JHY: variants seen among roughly 807,000 people sequenced by gnomAD.
The protein encoded by JHY is junctional cadherin complex regulator.
JHY carries 69 observed loss-of-function variants against 78.0 expected under a neutral mutation model. The observed-to-expected ratio is 0.88, with a 90% CI of 0.73 to 1.08. JHY has a LOEUF of 1.08. JHY is among the 50% of genes least tolerant of loss of function. JHY has a pLI of 0.00. For missense variants in JHY, 944 were observed against 927.8 expected (o/e 1.02, Z -0.23); for synonymous variants, 368 against 342.6 (o/e 1.07, Z -0.82).
At chr11:122,923,774 G>A (rs1863429031) in intron 3 of JHY, among the ~76,000 whole-genome samples, 1 of 151,574 alleles carries the variant, frequency 6.6e-6, no homozygotes, top group Non-Finnish European at 1.5e-5. Flanking sequence ...CTGGAGTGCA[G>A]TGGCATGATC....
At chr11:122,930,141 C>G (rs953862420) in intron 4 of JHY, among the ~76,000 whole-genome samples, 1 of 152,102 alleles carries the variant, frequency 6.6e-6, no homozygotes, top group Non-Finnish European at 1.5e-5. Flanking sequence ...AGTACAGTAT[C>G]GTGATTTTGG....
chr11:122,911,579 A>G (rs1424994769), intron 3 of JHY, among the ~76,000 whole-genome samples: 1 of 152,204 alleles, frequency 6.6e-6, no homozygotes, highest in Non-Finnish European at 1.5e-5. Flanking sequence ...GATACTGATA[A>G]TACCTCAAAA....
chr11:122,936,784 A>G (rs1863766126), intron 5 of JHY, among the ~76,000 whole-genome samples: 1 of 152,202 alleles, frequency 6.6e-6, no homozygotes, highest in African/African-American at 2.4e-5. Context: ...TAACATTTTC[A>G]TATACATGAA....
At position 122,946,638 on chromosome 11, in the gene JHY, C is replaced by T. The variant is rs1028349128; in HGVS notation, c.1775C>T (p.Thr592Met). Residue 592 changes from threonine to methionine, a missense_variant, in exon 6 of 9, where the codon ACG becomes ATG. Physicochemically the swap from Thr to Met is moderately conservative, Grantham distance 81 (BLOSUM62 -1). Transcript: ENST00000227349. The part of the protein sequence containing the change: ...QPSEGALSSV[T>M]LPPILSRVES... ...AGTGAAGGGGCCTTATCCAGCGTCA[C>T]GCTTCCACCTATACTGTCAAGGGTA... is the stretch of plus-strand genomic sequence containing the variant. 1.5e-5 allele frequency: 24 copies of T among 1,613,962 alleles called. No homozygotes were observed. The highest frequency in any genetic ancestry group is 1.2e-4 in the Admixed American group (7 of 60,004).
At chr11:122,910,021 C>T (rs1193180681) in intron 3 of JHY, among the ~76,000 whole-genome samples, 1 of 151,816 alleles carries the variant, frequency 6.6e-6, no homozygotes, top group Non-Finnish European at 1.5e-5. Context: ...TGGAAGCCAC[C>T]CAAATATCTG....
chr11:122,931,432 A>G (rs1163912488), intron 4 of JHY, among the ~76,000 whole-genome samples: 3 of 152,184 alleles, frequency 2.0e-5, no homozygotes, highest in Non-Finnish European at 2.9e-5. Flanking sequence ...TTTTGCCTCC[A>G]ACACTATCAA....
chr11:122,955,078 C>G (rs1734431538), intron 6 of JHY, among the ~76,000 whole-genome samples: 1 of 152,176 alleles, frequency 6.6e-6, no homozygotes, highest in Admixed American at 6.5e-5. Flanking sequence ...GATGTGAGTT[C>G]CCTGTAAGGG....
At chr11:122,908,975 T>G (rs1863053011) in intron 3 of JHY, among the ~76,000 whole-genome samples, 1 of 152,224 alleles carries the variant, frequency 6.6e-6, no homozygotes, top group Non-Finnish European at 1.5e-5. Context: ...TCACAGACTG[T>G]TCCTCTCATT....
At chr11:122,931,191 C>T (rs977307145) in intron 4 of JHY, among the ~76,000 whole-genome samples, 1 of 152,158 alleles carries the variant, frequency 6.6e-6, no homozygotes, top group African/African-American at 2.4e-5. Flanking sequence ...CAAACCATGG[C>T]ACCAGGCAAG....
chr11:122,954,008 A>G (rs547024468), intron 6 of JHY, among the ~76,000 whole-genome samples: 4 of 152,348 alleles, frequency 2.6e-5, no homozygotes, highest in Non-Finnish European at 4.4e-5. Context: ...AATGCAACAT[A>G]AAAGTGCTGA....
intron 3 of JHY, among the ~76,000 whole-genome samples, chr11:122,912,424 G>C (rs1424295192): frequency 6.6e-6 from 1 of 152,130 alleles, no homozygotes; most frequent in African/African-American, 2.4e-5. Flanking sequence ...GAAGAGCTTT[G>C]GTTGGCCCCA....
chr11:122,899,913 T>C (rs1018656786), intron 2 of JHY, among the ~76,000 whole-genome samples: 2 of 152,210 alleles, frequency 1.3e-5, no homozygotes, highest in Admixed American at 1.3e-4. Flanking sequence ...CGGACACTGC[T>C]GGACCCCATG....
At chr11:122,938,929 G>C (rs1395519643) in intron 5 of JHY, among the ~76,000 whole-genome samples, 2 of 151,728 alleles carry the variant, frequency 1.3e-5, no homozygotes, top group African/African-American at 2.4e-5. Context: ...AGAGGGAAGG[G>C]ACAGTTGCCT....
chr11:122,937,843 CT>C (rs1863790013), intron 5 of JHY, among the ~76,000 whole-genome samples: 1 of 152,088 alleles, frequency 6.6e-6, no homozygotes, highest in South Asian at 2.1e-4. Context: ...GTTTTGAGAT[CT>C]TGCTGAAATT....
chr11:122,963,481 A>G lies in JHY; in HGVS notation c.*4036A>G, dbSNP rs1375888187. Reference sequence around the variant, plus strand: ...AAAGAATGGATCAAAGTGGCCCTTCATTTGGCTCCACGTCATCTCACAATA... The same window carrying G: ...AAAGAATGGATCAAAGTGGCCCTTCGTTTGGCTCCACGTCATCTCACAATA... On this transcript the variant is annotated 3_prime_UTR_variant, in exon 9 of 9. Coordinates refer to ENST00000227349, the MANE Select transcript of JHY (RefSeq NM_024806.4). Among the ~76,000 whole-genome samples, 1 of 152,196 alleles carries G rather than the reference A, an allele frequency of 6.6e-6. No homozygotes were observed. The highest frequency in any genetic ancestry group is 1.5e-5 in the Non-Finnish European group (1 of 68,018).
Position 122,956,522 on chromosome 11 carries a change from A to G in JHY, c.1956A>G (p.Lys652=). 1 of 1,613,726 alleles carries G rather than the reference A, an allele frequency of 6.2e-7. No homozygotes were observed. Among genetic ancestry groups the G allele is most frequent in the Non-Finnish European group, 8.5e-7 (1 of 1,179,700 alleles). Residue 652 remains lysine (K), a synonymous_variant, in exon 7 of 9, where the codon AAA becomes AAG. Coordinates refer to ENST00000227349, the MANE Select transcript of JHY (RefSeq NM_024806.4). ...SKNTKLKGYQ[K]RDVKLGGLGP... ...ACACCAAGCTGAAAGGTTATCAGAA[A>G]AGAGACGTGAAGCTTGGAGGCCTCG... is the stretch of plus-strand genomic sequence containing the variant.
At chr11:122,928,645 G>T (rs983581858) in intron 4 of JHY, among the ~76,000 whole-genome samples, 17 of 151,758 alleles carry the variant, frequency 1.1e-4, no homozygotes, top group Non-Finnish European at 2.5e-4. Context: ...GTAGTTGTTG[G>T]TTTTTTGTTG....
chr11:122,949,840 C>T (rs375305904), intron 6 of JHY, among the ~76,000 whole-genome samples: 1 of 142,456 alleles, frequency 7.0e-6, no homozygotes, highest in Non-Finnish European at 1.5e-5. Flanking sequence ...TCTTTCTTTT[C>T]TTTTTTTTTT....
chr11:122,885,019 G>A (rs12280690), intron 1 of JHY, among the ~76,000 whole-genome samples: 298 of 148,798 alleles, frequency 2.0e-3, no homozygotes, highest in African/African-American at 7.1e-3. Context: ...CATGTTGCCC[G>A]GGGTGGTCTT....
Sources: allele counts gnomAD v4.1 joint callset (sites outside exome capture counted in the v4.1 genomes callset), GRCh38; gene constraint gnomAD v4.1.1; transcripts MANE v1.5; gene names NCBI Gene and HGNC (gene_info 2026-07-23, HGNC 2026-07-21).